Variants in TMEM132C observed in about 807,000 individuals in gnomAD.
TMEM132C encodes protein phosphatase 1, regulatory subunit 152.
Under a neutral mutation model 61.4 loss-of-function variants are expected in TMEM132C, and 29 were observed. The observed-to-expected ratio is 0.47, with a 90% CI of 0.35 to 0.64. The LOEUF (loss-of-function observed/expected upper bound fraction) is 0.64. Ranked by LOEUF, TMEM132C falls within the 30% of genes least tolerant of loss-of-function variation. The pLI, the probability that TMEM132C is intolerant of heterozygous loss-of-function variation, is 0.00. For missense variants in TMEM132C, 1,408 were observed against 1,476.9 expected, an observed-to-expected ratio of 0.95 and a Z score of 0.76; for synonymous variants, 656 against 633.1, an observed-to-expected ratio of 1.04 and a Z score of -0.54.
chr12:128,312,852 T>C lies in TMEM132C; in HGVS notation c.85+45365T>C, dbSNP rs147943358. Reference sequence around the variant, plus strand: ...CATTCACAGGCTGATGCACACTCAGTGAAATCAATGATGGTTTCCAGCTGC... The same window carrying C: ...CATTCACAGGCTGATGCACACTCAGCGAAATCAATGATGGTTTCCAGCTGC... On this transcript the variant is annotated intron_variant, in intron 1 of 8. Transcript: ENST00000435159. 6.1e-3 allele frequency among the ~76,000 whole-genome samples: 930 copies of C among 152,332 alleles called. 7 individuals are homozygous for C. The highest frequency in any genetic ancestry group is 0.021 in the African/African-American group (880 of 41,574).
chr12:128,519,171 T>G (rs1468284540), intron 2 of TMEM132C, among the ~76,000 whole-genome samples: 2 of 152,218 alleles, frequency 1.3e-5, no homozygotes, highest in African/African-American at 4.8e-5. Flanking sequence ...CTGGAGAACT[T>G]TCCACATTAG....
intron 3 of TMEM132C, among the ~76,000 whole-genome samples, chr12:128,605,022 AATGG>A (rs3044836): frequency 0.019 from 2,795 of 149,400 alleles, 67 homozygotes; most frequent in African/African-American, 0.059. Context: ...ATAATAGATG[AATGG>A]ATGGATGGAT....
chr12:128,364,166 G>A (rs1422125045), intron 1 of TMEM132C, among the ~76,000 whole-genome samples: 1 of 152,122 alleles, frequency 6.6e-6, no homozygotes, highest in South Asian at 2.1e-4. Flanking sequence ...ACCACATTTA[G>A]GGCACTATGA....
At chr12:128,397,671 T>A (rs1297381336) in intron 1 of TMEM132C, among the ~76,000 whole-genome samples, 1 of 152,124 alleles carries the variant, frequency 6.6e-6, no homozygotes, top group African/African-American at 2.4e-5. Flanking sequence ...TGCTTTTCTC[T>A]TCTTCTTCTC....
chr12:128,432,215 A>G (rs901540288), intron 2 of TMEM132C, among the ~76,000 whole-genome samples: 1 of 152,208 alleles, frequency 6.6e-6, no homozygotes, highest in African/African-American at 2.4e-5. Context: ...CGTAACATCC[A>G]TTGCTAACAC....
intron 2 of TMEM132C, among the ~76,000 whole-genome samples, chr12:128,527,388 C>T (rs535571690): frequency 2.0e-5 from 3 of 152,270 alleles, no homozygotes; most frequent in African/African-American, 7.2e-5. Context: ...GAGACCAGGG[C>T]TCCTTGAGGG....
chr12:128,520,719 G>A (rs912553355), intron 2 of TMEM132C, among the ~76,000 whole-genome samples: 6 of 152,300 alleles, frequency 3.9e-5, no homozygotes, highest in African/African-American at 1.4e-4. Flanking sequence ...GAAACACAAA[G>A]GGTGGCTTGA....
intron 3 of TMEM132C, among the ~76,000 whole-genome samples, chr12:128,589,184 C>G (rs889209156): frequency 6.6e-6 from 1 of 152,150 alleles, no homozygotes; most frequent in Non-Finnish European, 1.5e-5. Context: ...ATGCACAGCT[C>G]TCCCGATGCA....
At chr12:128,496,898 G>A (rs1871981076) in intron 2 of TMEM132C, among the ~76,000 whole-genome samples, 1 of 152,208 alleles carries the variant, frequency 6.6e-6, no homozygotes, top group Admixed American at 6.5e-5. Flanking sequence ...TTTGGAAGGG[G>A]AGAGGTGCTC....
chr12:128,676,921 T>C (rs1006410261), intron 5 of TMEM132C, among the ~76,000 whole-genome samples: 83 of 152,220 alleles, frequency 5.5e-4, no homozygotes, highest in Non-Finnish European at 2.5e-4. Context: ...ATAGGAGTCA[T>C]AACATCTGAA....
chr12:128,373,054 T>TG (rs1874078103), intron 1 of TMEM132C, among the ~76,000 whole-genome samples: 1 of 152,180 alleles, frequency 6.6e-6, no homozygotes. Context: ...AGACAAGTAA[T>TG]GGTGTGTCAT....
At chr12:128,695,352 T>G (rs1057474546) in intron 6 of TMEM132C, among the ~76,000 whole-genome samples, 11 of 143,510 alleles carry the variant, frequency 7.7e-5, no homozygotes, top group Non-Finnish European at 1.7e-4. Context: ...AGACCCCATC[T>G]CTACAGAATT....
Position 128,575,419 on chromosome 12 carries a change from C to T in TMEM132C, c.1121+31316C>T, listed in dbSNP as rs1042541386. Among the ~76,000 whole-genome samples, 86 of 151,598 alleles carry T rather than the reference C, an allele frequency of 5.7e-4. 1 individual carries two copies. Among genetic ancestry groups the T allele is most frequent in the Non-Finnish European group, 1.3e-4 (9 of 67,956 alleles). On this transcript the variant is annotated intron_variant, in intron 3 of 8. Coordinates refer to ENST00000435159, the MANE Select transcript of TMEM132C (RefSeq NM_001136103.3). ...GCTTGAACCCAGGAGGTGGAGGTTG[C>T]AGTGGGCCAAGATGGCGCCATTGCA...
At chr12:128,450,647 G>A (rs1416010969) in intron 2 of TMEM132C, among the ~76,000 whole-genome samples, 1 of 152,162 alleles carries the variant, frequency 6.6e-6, no homozygotes, top group African/African-American at 2.4e-5. Flanking sequence ...ATTTATTGAT[G>A]GCACAGAAGG....
intron 2 of TMEM132C, among the ~76,000 whole-genome samples, chr12:128,456,688 G>A (rs138594248): frequency 5.2e-4 from 79 of 152,070 alleles, no homozygotes; most frequent in African/African-American, 1.6e-3. Flanking sequence ...GATTACAGGC[G>A]TGAGCCACCA....
intron 1 of TMEM132C, among the ~76,000 whole-genome samples, chr12:128,304,436 C>T (rs933161517): frequency 1.8e-4 from 27 of 151,838 alleles, no homozygotes; most frequent in African/African-American, 6.3e-4. Context: ...GGTGAAACCC[C>T]GTCTCCACTA....
intron 1 of TMEM132C, among the ~76,000 whole-genome samples, chr12:128,267,780 C>G (rs905079247): frequency 2.0e-5 from 3 of 152,166 alleles, no homozygotes; most frequent in African/African-American, 7.2e-5. Flanking sequence ...CTGAGGGACA[C>G]GGTGTTTGTT....
At chr12:128,398,711 A>G (rs1875046819) in intron 1 of TMEM132C, among the ~76,000 whole-genome samples, 1 of 152,170 alleles carries the variant, frequency 6.6e-6, no homozygotes, top group Non-Finnish European at 1.5e-5. Flanking sequence ...AAAATTAGGG[A>G]TAATAAAGAT....
At chr12:128,282,931 A>G (rs183236023) in intron 1 of TMEM132C, among the ~76,000 whole-genome samples, 14 of 152,290 alleles carry the variant, frequency 9.2e-5, no homozygotes, top group Non-Finnish European at 1.8e-4. Context: ...TGGGATTTAA[A>G]TGTGTCACAA....
Sources: gnomAD v4.1 joint callset for allele counts (sites outside exome capture counted in the v4.1 genomes callset) on GRCh38, gnomAD v4.1.1 for gene constraint, MANE v1.5 for transcripts, NCBI Gene and HGNC (gene_info 2026-07-23, HGNC 2026-07-21) for gene names.